The following RGS9 variants were observed in gnomAD, a reference collection of about 807,000 sequenced individuals.
RGS9 encodes regulator of G protein signaling 9, also known as regulator of G-protein signalling 9.
In RGS9, 78 loss-of-function variants were observed where a neutral mutation model predicts 102.0. That is an observed-to-expected ratio of 0.76 (90% CI 0.64 to 0.92). The LOEUF (loss-of-function observed/expected upper bound fraction) is 0.92. RGS9 is among the 40% of genes least tolerant of loss of function. RGS9 has a pLI of 0.00. For synonymous variants in RGS9, 353 were observed against 318.6 expected (o/e 1.11, Z -1.15); for missense variants, 833 against 866.1 (o/e 0.96, Z 0.48).
At chr17:65,161,271 A>G (rs1224230581) in intron 6 of RGS9, among the ~76,000 whole-genome samples, 8 of 152,104 alleles carry the variant, frequency 5.3e-5, no homozygotes, top group Non-Finnish European at 2.9e-5. Context: ...TGTTTTTTTG[A>G]GACAAGGTCT....
chr17:65,216,754 A>T (rs769949028), intron 17 of RGS9, among the ~76,000 whole-genome samples: 2 of 152,232 alleles, frequency 1.3e-5, no homozygotes, highest in Non-Finnish European at 2.9e-5. Context: ...TTCTAGGCAT[A>T]ACGGATGCAG....
intron 9 of RGS9, among the ~76,000 whole-genome samples, chr17:65,182,513 G>T (rs1014097222): frequency 2.0e-5 from 3 of 152,228 alleles, no homozygotes; most frequent in African/African-American, 7.2e-5. Flanking sequence ...TCAGCTGATG[G>T]CCGCCAGAGC....
chr17:65,225,556 T>C, intron 18 of RGS9, 70 bp downstream of exon 18: 1 of 1,595,734 alleles, frequency 6.3e-7, no homozygotes, highest in South Asian at 1.1e-5. Flanking sequence ...CATGTGAATA[T>C]GCATGCTTTG....
chr17:65,204,755 C>A (rs188475086), intron 15 of RGS9, among the ~76,000 whole-genome samples: 1 of 152,120 alleles, frequency 6.6e-6, no homozygotes, highest in African/African-American at 2.4e-5. Flanking sequence ...ATAATAACAG[C>A]CATCATTCGT....
intron 17 of RGS9, among the ~76,000 whole-genome samples, chr17:65,213,946 G>A (rs929901067): frequency 6.6e-6 from 1 of 152,114 alleles, no homozygotes; most frequent in Non-Finnish European, 1.5e-5. Context: ...CTTCATAGAT[G>A]TATTTTATTT....
chr17:65,227,679 A>C lies in RGS9; in HGVS notation c.*272A>C. 1 of 485,232 alleles carries C rather than the reference A, an allele frequency of 2.1e-6. No individual in the cohort carries two copies. The highest frequency in any genetic ancestry group is 1.9e-5 in the African/African-American group (1 of 51,432). 30.1% of individuals were successfully genotyped at this position (485,232 alleles called of 1,614,324 possible). ...TTCCCTGCTGCCTTAAAACCAATAAAAGGTTAACTTTAAGTTTCTTGGAAT... is the reference window on the plus strand; with the variant it reads ...TTCCCTGCTGCCTTAAAACCAATAACAGGTTAACTTTAAGTTTCTTGGAAT... On this transcript the variant is annotated 3_prime_UTR_variant, in exon 19 of 19. Coordinates refer to ENST00000262406, the MANE Select transcript of RGS9 (RefSeq NM_003835.4).
chr17:65,223,422 G>A lies in RGS9; in HGVS notation c.1408-1580G>A, dbSNP rs116224540. ...GGAAGGAATGAGACAAGCCCTCCATGCCCTCCTGGCCCTGCCCTCAGTGGC... is the reference window on the plus strand; with the variant it reads ...GGAAGGAATGAGACAAGCCCTCCATACCCTCCTGGCCCTGCCCTCAGTGGC... On this transcript the variant is annotated intron_variant, in intron 17 of 18. Coordinates refer to ENST00000262406, the MANE Select transcript of RGS9 (RefSeq NM_003835.4). Among the ~76,000 whole-genome samples, 304 of 152,332 alleles carry A rather than the reference G, an allele frequency of 2.0e-3. 1 individual carries two copies. Among genetic ancestry groups the A allele is most frequent in the African/African-American group, 6.8e-3 (281 of 41,572 alleles).
intron 1 of RGS9, among the ~76,000 whole-genome samples, chr17:65,151,222 G>A (rs1910565694): frequency 6.6e-6 from 1 of 151,940 alleles, no homozygotes; most frequent in African/African-American, 2.4e-5. Context: ...TCATGTGTCT[G>A]TAATCCCAGC....
chr17:65,196,597 G>A (rs1213632646), intron 12 of RGS9, among the ~76,000 whole-genome samples: 1 of 151,790 alleles, frequency 6.6e-6, no homozygotes, highest in Non-Finnish European at 1.5e-5. Flanking sequence ...GATGGCAAAT[G>A]GGTCTACTCC....
intron 11 of RGS9, among the ~76,000 whole-genome samples, chr17:65,192,416 A>T (rs112455424): frequency 0.021 from 3,248 of 152,136 alleles, 112 homozygotes; most frequent in African/African-American, 0.075. Context: ...GGAGTTGAAG[A>T]CCAGCCTGGG....
intron 2 of RGS9, among the ~76,000 whole-genome samples, chr17:65,155,814 T>C (rs565066929): frequency 3.9e-4 from 60 of 152,304 alleles, no homozygotes; most frequent in African/African-American, 1.4e-3. Context: ...GGGTGCTGGA[T>C]GGTGGTGGTA....
At chr17:65,153,344 C>A in intron 1 of RGS9, 78 bp from the exon 2 acceptor site, 1 of 1,229,806 alleles carries the variant, frequency 8.1e-7, no homozygotes, top group Non-Finnish European at 1.2e-6. Flanking sequence ...TGAGGTCCCT[C>A]TCAGTGCAGT....
chr17:65,176,101 A>G (rs1339401636), intron 8 of RGS9, among the ~76,000 whole-genome samples: 1 of 152,218 alleles, frequency 6.6e-6, no homozygotes, highest in Non-Finnish European at 1.5e-5. Flanking sequence ...CTGGTTGGTC[A>G]CATGTGCTGA....
chr17:65,197,113 A>G lies in RGS9; in HGVS notation c.861-13A>G, dbSNP rs775723423. ...CGCTACCTCTCTGGTGCATTTACAA[A>G]TCATCCTTGCAGGGTGGAAATCCCA... On this transcript the variant is annotated splice_polypyrimidine_tract_variant and intron_variant, in intron 12 of 18. Transcript: ENST00000262406. The G allele has an allele frequency of 1.0e-5, 16 of 1,602,218 alleles. No homozygotes were observed. The highest frequency in any genetic ancestry group is 1.6e-4 in the Middle Eastern group (1 of 6,062).
At chr17:65,214,590 G>C (rs1342596706) in intron 17 of RGS9, among the ~76,000 whole-genome samples, 1 of 152,246 alleles carries the variant, frequency 6.6e-6, no homozygotes, top group African/African-American at 2.4e-5. Flanking sequence ...AGTGGGCACT[G>C]CAGGGCATGT....
intron 15 of RGS9, 128 bp downstream of exon 15, chr17:65,204,429 A>C (rs1912970705): frequency 8.9e-7 from 1 of 1,124,124 alleles, no homozygotes; most frequent in African/African-American, 1.5e-5. Flanking sequence ...TGTGGCATGC[A>C]GCTAAGCATG....
intron 7 of RGS9, among the ~76,000 whole-genome samples, chr17:65,166,990 A>T (rs1289663146): frequency 4.6e-5 from 7 of 152,160 alleles, no homozygotes; most frequent in African/African-American, 1.7e-4. Flanking sequence ...TGTCTTGCAG[A>T]GGGCGTGTGC....
At chr17:65,158,482 G>C in intron 3 of RGS9, 137 bp downstream of exon 3, 1 of 841,892 alleles carries the variant, frequency 1.2e-6, no homozygotes, top group South Asian at 1.3e-5. Context: ...GTGTGTAAAA[G>C]TACCAGAATC....
chr17:65,144,847 G>A (rs1910293066), intron 1 of RGS9, among the ~76,000 whole-genome samples: 1 of 152,166 alleles, frequency 6.6e-6, no homozygotes, highest in Non-Finnish European at 1.5e-5. Context: ...AAGATGCATA[G>A]ACTGAGTGGC....
Sources: gnomAD v4.1 joint callset for allele counts (sites outside exome capture counted in the v4.1 genomes callset) on GRCh38, gnomAD v4.1.1 for gene constraint, MANE v1.5 for transcripts, NCBI Gene and HGNC (gene_info 2026-07-23, HGNC 2026-07-21) for gene names.